Variants in SMAP1 observed in about 807,000 individuals in gnomAD.
SMAP1 encodes the protein small ArfGAP 1.
SMAP1 carries 24 observed loss-of-function variants against 58.5 expected under a neutral mutation model. The ratio of observed to expected loss-of-function variants is 0.41; its 90% CI spans 0.30 to 0.58. SMAP1 has a LOEUF of 0.58. Ranked by LOEUF, SMAP1 falls within the 20% of genes least tolerant of loss-of-function variation. SMAP1 has a pLI of 0.29. For missense variants in SMAP1, 563 were observed against 566.3 expected (o/e 0.99, Z 0.06); for synonymous variants, 216 against 196.6 (o/e 1.10, Z -0.82).
At position 70,798,712 on chromosome 6, in the gene SMAP1, C is replaced by G; in HGVS notation, c.551C>G (p.Pro184Arg). ...EKKREKEPEKPAKPLTAEKLQ... is the reference protein window; with the variant it reads ...EKKREKEPEKRAKPLTAEKLQ... ...AAGAGAGAAAAGGAGCCAGAAAAGCCGGCAAAACCACTTACAGCTGAAAAG... is the reference window on the plus strand; with the variant it reads ...AAGAGAGAAAAGGAGCCAGAAAAGCGGGCAAAACCACTTACAGCTGAAAAG... The change falls in exon 6 of 11, where the codon CCG becomes CGG. Residue 184 changes from proline to arginine, a missense_variant. Pro to Arg is a moderately radical substitution (Grantham distance 103, BLOSUM62 -2). Around this residue, in one of 3 missense-constraint regions of SMAP1, gnomAD observed 494 missense variants for 473.8 expected, o/e 1.04. Transcript: ENST00000370455. 6.4e-7 allele frequency: 1 copy of G among 1,558,628 alleles called. No homozygotes were observed. The highest frequency in any genetic ancestry group is 1.8e-5 in the Admixed American group (1 of 54,152).
At chr6:70,773,272 G>T (rs1413353) in intron 3 of SMAP1, 78 bp from the exon 4 acceptor site, 1 of 835,124 alleles carries the variant, frequency 1.2e-6, no homozygotes, top group Admixed American at 2.8e-5. Flanking sequence ...TAGAGTCCCA[G>T]CTTTGTGGAG....
chr6:70,745,053 T>A (rs1350716527), intron 2 of SMAP1, among the ~76,000 whole-genome samples: 2 of 152,190 alleles, frequency 1.3e-5, no homozygotes, highest in Admixed American at 6.5e-5. Flanking sequence ...GTTTGAGTTC[T>A]TTGTAGATTC....
rs1454387208 is a variant in SMAP1, at chr6:70,784,190, T to C, written c.415-7499T>C. On this transcript the variant is annotated intron_variant, in intron 4 of 10. Transcript: ENST00000370455. ...AGAATTTTCAAGCCAGAATTTCATA[T>C]CCAGCCAAACTAAGCTTCATAAGTG... Among the ~76,000 whole-genome samples, 4 of 152,146 alleles carry C rather than the reference T, an allele frequency of 2.6e-5. No individual in the cohort carries two copies. The East Asian group carries it at 7.7e-4, about 29-fold the overall frequency.
chr6:70,783,437 A>G (rs924851443), intron 4 of SMAP1, among the ~76,000 whole-genome samples: 7 of 152,256 alleles, frequency 4.6e-5, no homozygotes, highest in Non-Finnish European at 8.8e-5. Flanking sequence ...CAGCAACGGA[A>G]CAATGCTGGA....
At chr6:70,819,762 A>C (rs922048190) in intron 6 of SMAP1, among the ~76,000 whole-genome samples, 3 of 152,246 alleles carry the variant, frequency 2.0e-5, no homozygotes, top group Non-Finnish European at 4.4e-5. Context: ...CAAGATTTCG[A>C]AATAGGTTGC....
chr6:70,795,089 A>G (rs1431735068), intron 5 of SMAP1, among the ~76,000 whole-genome samples: 4 of 152,086 alleles, frequency 2.6e-5, no homozygotes, highest in Admixed American at 1.3e-4. Flanking sequence ...AGTCTTTGCT[A>G]TTGTGAATAG....
intron 1 of SMAP1, among the ~76,000 whole-genome samples, chr6:70,681,551 A>G (rs1214523105): frequency 6.6e-6 from 1 of 152,230 alleles, no homozygotes; most frequent in Non-Finnish European, 1.5e-5. Flanking sequence ...ATACACTCCT[A>G]AAGTTATTTT....
chr6:70,790,228 C>T (rs1041349686), intron 4 of SMAP1, among the ~76,000 whole-genome samples: 3 of 152,152 alleles, frequency 2.0e-5, no homozygotes, highest in African/African-American at 7.2e-5. Context: ...GCAACCTCCG[C>T]CTCCCAGGTT....
At chr6:70,677,810 G>C (rs1477506588) in intron 1 of SMAP1, among the ~76,000 whole-genome samples, 1 of 152,060 alleles carries the variant, frequency 6.6e-6, no homozygotes, top group Non-Finnish European at 1.5e-5. Flanking sequence ...ATTATCCCAA[G>C]CTATATCACA....
chr6:70,751,658 A>T (rs1766283743), intron 2 of SMAP1, among the ~76,000 whole-genome samples: 1 of 152,122 alleles, frequency 6.6e-6, no homozygotes, highest in African/African-American at 2.4e-5. Context: ...AAGATCTTTG[A>T]ATTTTTAGTG....
chr6:70,752,996 A>T (rs1452160887), intron 2 of SMAP1, among the ~76,000 whole-genome samples: 1 of 152,188 alleles, frequency 6.6e-6, no homozygotes, highest in South Asian at 2.1e-4. Context: ...TAACATCACT[A>T]GAACAGTGTT....
chr6:70,852,472 A>G (rs539706694), intron 7 of SMAP1, 68 bp from the exon 8 acceptor site: 4 of 1,346,580 alleles, frequency 3.0e-6, no homozygotes, highest in Non-Finnish European at 3.9e-6. Context: ...ATCAATTTTT[A>G]AAATAATGCC....
intron 1 of SMAP1, among the ~76,000 whole-genome samples, chr6:70,674,878 G>A (rs990091890): frequency 2.0e-5 from 3 of 152,184 alleles, no homozygotes; most frequent in African/African-American, 4.8e-5. Context: ...GGGAGACTGA[G>A]GCAGGAGAAT....
At chr6:70,753,370 G>A (rs1176969296) in intron 2 of SMAP1, among the ~76,000 whole-genome samples, 5 of 152,072 alleles carry the variant, frequency 3.3e-5, no homozygotes, top group African/African-American at 9.7e-5. Flanking sequence ...TCAGTGAACT[G>A]TATCTGAATT....
chr6:70,859,412 A>C, intron 10 of SMAP1: 5 of 1,545,476 alleles, frequency 3.2e-6, no homozygotes, highest in Non-Finnish European at 4.4e-6. Context: ...AATGTCCTTT[A>C]GTAGGTATGA....
chr6:70,692,122 G>A (rs1363411198), intron 1 of SMAP1, among the ~76,000 whole-genome samples: 1 of 152,050 alleles, frequency 6.6e-6, no homozygotes, highest in Non-Finnish European at 1.5e-5. Flanking sequence ...TTGCATAAAA[G>A]CCATTTTAAC....
intron 2 of SMAP1, among the ~76,000 whole-genome samples, chr6:70,733,610 A>G (rs1029688969): frequency 6.6e-6 from 1 of 152,118 alleles, no homozygotes; most frequent in African/African-American, 2.4e-5. Context: ...TCTTGGACTC[A>G]AGCGATTCTC....
chr6:70,693,203 T>C (rs899625805), intron 1 of SMAP1, among the ~76,000 whole-genome samples: 1 of 152,098 alleles, frequency 6.6e-6, no homozygotes, highest in Non-Finnish European at 1.5e-5. Flanking sequence ...AGTCAGGTAA[T>C]GTGATTCCTC....
chr6:70,752,193 A>G (rs1462621460), intron 2 of SMAP1, among the ~76,000 whole-genome samples: 2 of 152,192 alleles, frequency 1.3e-5, no homozygotes, highest in East Asian at 3.9e-4. Context: ...TATATTAACC[A>G]GTAGAAAAAT....
Sources: gnomAD v4.1 joint callset for allele counts (sites outside exome capture counted in the v4.1 genomes callset) on GRCh38, gnomAD v4.1.1 for gene constraint, gnomAD v4.1.1 regional missense constraint, MANE v1.5 for transcripts, NCBI Gene and HGNC (gene_info 2026-07-23, HGNC 2026-07-21) for gene names.